The following FAM81B variants were observed in gnomAD, a reference collection of about 807,000 sequenced individuals.
FAM81B encodes family with sequence similarity 81 member B, also known as protein FAM81B.
In FAM81B, 60 loss-of-function variants were observed where a neutral mutation model predicts 58.7. That is an observed-to-expected ratio of 1.02 (90% confidence interval 0.83 to 1.27). The LOEUF (loss-of-function observed/expected upper bound fraction) is 1.27. Ranked by LOEUF, FAM81B falls within the 50% of genes most tolerant of loss-of-function variation. FAM81B has a pLI of 0.00. For missense variants in FAM81B, 491 were observed against 522.0 expected (o/e 0.94, Z 0.58); for synonymous variants, 189 against 179.6 (o/e 1.05, Z -0.42).
intron 4 of FAM81B, among the ~76,000 whole-genome samples, chr5:95,416,478 T>C (rs1463374996): frequency 6.6e-6 from 1 of 152,198 alleles, no homozygotes; most frequent in African/African-American, 2.4e-5. Flanking sequence ...TATAGCATTG[T>C]TTTACTGTGG....
chr5:95,444,219 T>G (rs182741300), intron 7 of FAM81B, among the ~76,000 whole-genome samples: 69 of 152,318 alleles, frequency 4.5e-4, no homozygotes, highest in African/African-American at 1.6e-3. Context: ...AGCCAACTAT[T>G]TATTGAGCAC....
chr5:95,396,391 T>A (rs2152760150), intron 3 of FAM81B, among the ~76,000 whole-genome samples: 1 of 152,356 alleles, frequency 6.6e-6, no homozygotes, highest in African/African-American at 2.4e-5. Flanking sequence ...CAAGCAGATT[T>A]AACTACCTTT....
chr5:95,391,826 T>C (rs1256697096), intron 1 of FAM81B, among the ~76,000 whole-genome samples: 1 of 152,160 alleles, frequency 6.6e-6, no homozygotes, highest in Non-Finnish European at 1.5e-5. Context: ...CCAGTTAGAA[T>C]AGTAACCATT....
At chr5:95,447,164 T>C (rs1436680686) in intron 8 of FAM81B, among the ~76,000 whole-genome samples, 1 of 152,168 alleles carries the variant, frequency 6.6e-6, no homozygotes, top group Non-Finnish European at 1.5e-5. Flanking sequence ...GGGGTGAGGC[T>C]ACCAAGGTTT....
At chr5:95,433,385 C>A (rs1442250974) in intron 6 of FAM81B, among the ~76,000 whole-genome samples, 1 of 152,108 alleles carries the variant, frequency 6.6e-6, no homozygotes, top group Admixed American at 6.6e-5. Flanking sequence ...TAGCAGCATG[C>A]AGGTAATTGC....
chr5:95,437,051 T>C, intron 7 of FAM81B, 145 bp downstream of exon 7: 1 of 548,850 alleles, frequency 1.8e-6, no homozygotes, highest in African/African-American at 1.9e-5. Flanking sequence ...GAGAATATTT[T>C]ACACTAAAGT....
chr5:95,439,236 G>GTATATATA (rs577076287), intron 7 of FAM81B, among the ~76,000 whole-genome samples: 5,652 of 104,934 alleles, frequency 0.054, 263 homozygotes, highest in Non-Finnish European at 0.066. Context: ...AGGTTAAAGA[G>GTATATATA]TATATATATA....
At chr5:95,441,688 A>T (rs1745359857) in intron 7 of FAM81B, among the ~76,000 whole-genome samples, 2 of 152,286 alleles carry the variant, frequency 1.3e-5, no homozygotes, top group South Asian at 4.1e-4. Flanking sequence ...CTAAACTTAT[A>T]TTGAACTTAA....
chr5:95,436,807 A>G lies in FAM81B; in HGVS notation c.794A>G (p.Gln265Arg). The change falls in exon 7 of 10, where the codon CAG (glutamine) becomes CGG (arginine). Residue 265 changes from glutamine (Q) to arginine (R), a missense_variant. By Grantham distance (43) the Gln-to-Arg change is conservative (BLOSUM62 1). Transcript: ENST00000283357. ...LSKNLDMKVM[Q>R]LLGKIETASS... ...CTCTCGTACTTTGACTAGGTGATGC[A>G]GCTCTTAGGAAAGATAGAAACTGCC... 3 of 1,611,242 alleles carry G rather than the reference A, an allele frequency of 1.9e-6. 1 individual carries two copies. The African/African-American group carries it at 4.0e-5, about 21-fold the overall frequency.
intron 5 of FAM81B, among the ~76,000 whole-genome samples, chr5:95,423,602 A>G (rs1762745104): frequency 6.6e-6 from 1 of 152,042 alleles, no homozygotes; most frequent in African/African-American, 2.4e-5. Context: ...TAAAAGCAAA[A>G]TCATGTTCTT....
chr5:95,430,686 T>C (rs995544240), intron 6 of FAM81B, among the ~76,000 whole-genome samples: 2 of 152,184 alleles, frequency 1.3e-5, no homozygotes, highest in East Asian at 3.9e-4. Context: ...TATCCAGAAG[T>C]GGGATTTCAG....
At chr5:95,393,428 G>A (rs751989372) in intron 2 of FAM81B, among the ~76,000 whole-genome samples, 11 of 152,112 alleles carry the variant, frequency 7.2e-5, no homozygotes, top group African/African-American at 1.2e-4. Context: ...TTATATAATA[G>A]GCTGTACCAC....
At position 95,448,625 on chromosome 5, in the gene FAM81B, T is replaced by C. The variant is rs946210783; in HGVS notation, c.1225+161T>C. ...AATATCCTATAGAATATGAGTATTA[T>C]ACTGGAAGGCATATAAATAAATTAA... is the stretch of plus-strand genomic sequence containing the variant. On this transcript the variant is annotated intron_variant, in intron 9 of 9. Coordinates refer to ENST00000283357, the MANE Select transcript of FAM81B (RefSeq NM_152548.3). 9 of 697,876 alleles carry C rather than the reference T, an allele frequency of 1.3e-5. No individual in the cohort carries two copies. The East Asian group carries it at 2.5e-4, about 20-fold the overall frequency. 43.2% of individuals were successfully genotyped at this position (697,876 alleles called of 1,614,324 possible). A position where few individuals can be genotyped will look rare whatever the true frequency, so the allele number is the denominator to read the frequency against.
At chr5:95,400,452 A>G (rs1203457548) in intron 3 of FAM81B, among the ~76,000 whole-genome samples, 1 of 151,878 alleles carries the variant, frequency 6.6e-6, no homozygotes, top group Non-Finnish European at 1.5e-5. Context: ...ACACACACAT[A>G]CATACATACA....
rs568908680 is a variant in FAM81B, at chr5:95,426,914, T to C, written c.657-1689T>C. On this transcript the variant is annotated intron_variant, in intron 5 of 9. Transcript: ENST00000283357. ...ATACAAAAAAATTAGCCAGGCGTGGTGGCGCATGCCTGTAGTCCTAGCTAC... is the reference window on the plus strand; with the variant it reads ...ATACAAAAAAATTAGCCAGGCGTGGCGGCGCATGCCTGTAGTCCTAGCTAC... 7.4e-3 allele frequency among the ~76,000 whole-genome samples: 1,129 copies of C among 152,222 alleles called. 7 individuals are homozygous for C. The highest frequency in any genetic ancestry group is 0.011 in the Non-Finnish European group (781 of 68,004).
chr5:95,392,870 T>C lies in FAM81B; in HGVS notation c.201T>C (p.Pro67=), dbSNP rs749557202. The change falls in exon 2 of 10, where the codon CCT becomes CCC. Residue 67 remains proline, a synonymous_variant. Transcript: ENST00000283357. Reference sequence around the variant, plus strand: ...CAGTTGAACCTGATGGCCCCCTTCCTGGCTCAGACAATAACCAAGAAAAGA... The same window carrying C: ...CAGTTGAACCTGATGGCCCCCTTCCCGGCTCAGACAATAACCAAGAAAAGA... ...EQPVEPDGPL[P]GSDNNQEKKV... 24 of 1,611,278 alleles carry C rather than the reference T, an allele frequency of 1.5e-5. No individual in the cohort carries two copies. The South Asian group carries it at 2.7e-4, about 18-fold the overall frequency.
intron 9 of FAM81B, among the ~76,000 whole-genome samples, chr5:95,449,375 A>C (rs1745706468): frequency 6.6e-6 from 1 of 152,120 alleles, no homozygotes; most frequent in East Asian, 1.9e-4. Flanking sequence ...CCCAAACTTA[A>C]CTGGCCCTTC....
Position 95,392,843 on chromosome 5 carries a change from GC to G in FAM81B, c.176del (p.Pro59GlnfsTer19), listed in dbSNP as rs867818746. 21 of 1,612,628 alleles carry G rather than the reference GC, an allele frequency of 1.3e-5. No individual in the cohort carries two copies. The highest frequency in any genetic ancestry group is 1.8e-5 in the Non-Finnish European group (21 of 1,179,394). On this transcript the variant is annotated frameshift_variant, in exon 2 of 10. Coordinates refer to ENST00000283357, the MANE Select transcript of FAM81B (RefSeq NM_152548.3). LOFTEE classifies it high-confidence loss of function. ...ASPTATAEEQ[P>X]VEPDGPLPGS... ...CTCCAACTGCGACTGCAGAGGAACA[GC>G]CAGTTGAACCTGATGGCCCCCTTCC...
intron 5 of FAM81B, among the ~76,000 whole-genome samples, chr5:95,427,724 C>G (rs1762885903): frequency 6.6e-6 from 1 of 152,072 alleles, no homozygotes; most frequent in Admixed American, 6.6e-5. Context: ...TCAAAATAAT[C>G]CTTGATAACT....
Sources: gnomAD v4.1 joint callset for allele counts (sites outside exome capture counted in the v4.1 genomes callset) on GRCh38, gnomAD v4.1.1 for gene constraint, MANE v1.5 for transcripts, NCBI Gene and HGNC (gene_info 2026-07-23, HGNC 2026-07-21) for gene names.